EPS8L3: variants seen among roughly 807,000 people sequenced by gnomAD.
The protein encoded by EPS8L3 is EPS8 signaling adaptor L3.
EPS8L3 carries 80 observed loss-of-function variants against 88.5 expected under a neutral mutation model. The ratio of observed to expected loss-of-function variants is 0.90; its 90% CI spans 0.75 to 1.09. The LOEUF (loss-of-function observed/expected upper bound fraction) is 1.09, where lower values mean the gene tolerates loss of function less well. EPS8L3 is among the 50% of genes least tolerant of loss of function. The pLI is 0.00. For synonymous variants in EPS8L3, 286 were observed against 291.0 expected, an observed-to-expected ratio of 0.98 and a Z score of 0.18; for missense variants, 721 against 735.2, an observed-to-expected ratio of 0.98 and a Z score of 0.22.
intron 18 of EPS8L3, 105 bp downstream of exon 18, chr1:109,750,555 G>GGGC (rs1649683848): frequency 1.7e-5 from 27 of 1,592,176 alleles, no homozygotes; most frequent in Non-Finnish European, 1.7e-6. Flanking sequence ...GCCACACTCA[G>GGGC]TTCTGCCCCA....
Position 109,761,751 on chromosome 1 carries a change from T to C in EPS8L3, c.-2A>G. 6.2e-7 allele frequency: 1 copy of C among 1,613,992 alleles called. No homozygotes were observed. On this transcript the variant is annotated 5_prime_UTR_variant, in exon 2 of 19. Transcript: ENST00000361965. The stretch of plus-strand genomic sequence containing the variant: ...GGCTCTGCTGCTGGGCCTTGACATG[T>C]TGACGCTGCTGAGGACGGCTCCCTA...
chr1:109,763,637 G>T (rs1242412234), intron 1 of EPS8L3, among the ~76,000 whole-genome samples, 185 bp downstream of exon 1: 1 of 152,184 alleles, frequency 6.6e-6, no homozygotes, highest in Admixed American at 6.5e-5. Context: ...CCTGGACCTC[G>T]CTCTGCTTTC....
rs539708157 is a variant in EPS8L3 at position 109,751,169 on chromosome 1, C to T, written c.1637+109G>A. 171 of 914,056 alleles carry T rather than the reference C, an allele frequency of 1.9e-4. No individual in the cohort carries two copies. In the South Asian group the frequency reaches 2.1e-3, roughly 11 times the overall value. 56.6% of individuals were successfully genotyped at this position (914,056 alleles called of 1,614,324 possible). The stretch of plus-strand genomic sequence containing the variant: ...TAACTCAGCAGAGACGGTGCTGGAT[C>T]GGGGTCATGTACAATGTAGGCCAGG... On this transcript the variant is annotated intron_variant, in intron 17 of 18. Transcript: ENST00000361965.
chr1:109,760,173 TCCTCTG>T (rs952438090), intron 3 of EPS8L3, among the ~76,000 whole-genome samples: 1 of 152,018 alleles, frequency 6.6e-6, no homozygotes, highest in African/African-American at 2.4e-5. Context: ...AACAAATAAC[TCCTCTG>T]GAGGTGATAC....
chr1:109,757,882 A>G lies in EPS8L3; in HGVS notation c.833-19T>C, dbSNP rs10776700. 1,580,766 of 1,614,082 alleles carry G rather than the reference A, an allele frequency of 0.98. 774,135 individuals are homozygous for G. The highest frequency in any genetic ancestry group is 1 in the East Asian group (44,871 of 44,872). The stretch of plus-strand genomic sequence containing the variant: ...GTGAGACCTGGGAGAAGGGGCCAAG[A>G]CGGTGGGCCAGAGATCACCCTGAGA... On this transcript the variant is annotated intron_variant, in intron 9 of 18. Coordinates refer to ENST00000361965, the MANE Select transcript of EPS8L3 (RefSeq NM_133181.4).
chr1:109,757,294 T>A (rs749725560), intron 11 of EPS8L3, 129 bp from the exon 12 acceptor site: 2 of 1,245,496 alleles, frequency 1.6e-6, no homozygotes, highest in Admixed American at 2.6e-5. Context: ...AGGGGCCCCA[T>A]CTGCCTTGGG....
chr1:109,750,880 C>T (rs1016914306), intron 17 of EPS8L3, 88 bp from the exon 18 acceptor site: 58 of 1,522,360 alleles, frequency 3.8e-5, no homozygotes, highest in African/African-American at 2.6e-4. Context: ...TCTTTGGGCT[C>T]GGAGGTTGGG....
chr1:109,761,465 A>G, intron 3 of EPS8L3, 30 bp downstream of exon 3: 1 of 1,590,018 alleles, frequency 6.3e-7, no homozygotes, highest in Non-Finnish European at 8.6e-7. Context: ...GTTTAGTTGG[A>G]CACTGCCCGG....
chr1:109,750,274 G>T lies in EPS8L3; in HGVS notation c.*117C>A. On this transcript the variant is annotated 3_prime_UTR_variant, in exon 19 of 19. Transcript: ENST00000361965. ...CATTGTTTTTGCTGTGTGAGCTGGG[G>T]TGTGGGGTTTGCTGCAAACTGGGAT... 2 of 1,247,172 alleles carry T rather than the reference G, an allele frequency of 1.6e-6. No homozygotes were observed. Among genetic ancestry groups the T allele is most frequent in the Non-Finnish European group, 2.3e-6 (2 of 869,514 alleles). 77.3% of individuals were successfully genotyped at this position (1,247,172 alleles called of 1,614,324 possible).
At chr1:109,753,328 A>C in intron 12 of EPS8L3, 130 bp from the exon 13 acceptor site, 1 of 675,086 alleles carries the variant, frequency 1.5e-6, no homozygotes, top group South Asian at 1.9e-5. Context: ...GACATGGTCC[A>C]TGTGCACAGA....
chr1:109,757,671 G>T, intron 10 of EPS8L3, 116 bp from the exon 11 acceptor site: 1 of 1,385,026 alleles, frequency 7.2e-7, no homozygotes, highest in Non-Finnish European at 1.0e-6. Flanking sequence ...AGTCCCAAGA[G>T]GGGAGGGGAG....
chr1:109,757,594 C>G, intron 10 of EPS8L3, 39 bp from the exon 11 acceptor site: 1 of 1,573,614 alleles, frequency 6.4e-7, no homozygotes, highest in African/African-American at 1.3e-5. Flanking sequence ...ACCCTTCACC[C>G]CACCCCATCT....
In EPS8L3 at chr1:109,758,443, G is replaced by A; in HGVS notation, c.602-12C>T. On this transcript the variant is annotated splice_polypyrimidine_tract_variant and intron_variant, in intron 7 of 18. Coordinates refer to ENST00000361965, the MANE Select transcript of EPS8L3 (RefSeq NM_133181.4). ...GGATGGTGGGAGGCCTGCAGTGTAA[G>A]GGGACCATGGACCTAGATCTTAGAT... 1 of 1,590,654 alleles carries A rather than the reference G, an allele frequency of 6.3e-7. No homozygotes were observed. Among genetic ancestry groups the A allele is most frequent in the South Asian group, 1.1e-5 (1 of 88,130 alleles).
In EPS8L3 at chr1:109,750,438, C is replaced by T. The variant is rs566805633; in HGVS notation, c.1771-36G>A. The T allele has an allele frequency of 2.5e-6, 4 of 1,612,270 alleles. No individual in the cohort carries two copies. The South Asian group carries it at 4.4e-5, about 18-fold the overall frequency. Reference sequence around the variant, plus strand: ...ACAAAGATTCAGATGAGGCTGATGGCAGGTGAGGGATCTGCAGAGCTTATG... The same window carrying T: ...ACAAAGATTCAGATGAGGCTGATGGTAGGTGAGGGATCTGCAGAGCTTATG... On this transcript the variant is annotated intron_variant, in intron 18 of 18. Coordinates refer to ENST00000361965, the MANE Select transcript of EPS8L3 (RefSeq NM_133181.4).
chr1:109,761,802 C>T, intron 1 of EPS8L3, 29 bp from the exon 2 acceptor site: 1 of 1,606,148 alleles, frequency 6.2e-7, no homozygotes, highest in East Asian at 2.2e-5. Flanking sequence ...CAGAGGCAGC[C>T]ATCAGAGCTG....
chr1:109,753,414 T>G (rs1649993460), intron 12 of EPS8L3, among the ~76,000 whole-genome samples: 1 of 152,002 alleles, frequency 6.6e-6, no homozygotes, highest in African/African-American at 2.4e-5. Context: ...TGTCTGGGGG[T>G]CAACCTCACC....
chr1:109,754,295 G>T (rs542362041), intron 12 of EPS8L3, among the ~76,000 whole-genome samples: 1 of 152,204 alleles, frequency 6.6e-6, no homozygotes, highest in African/African-American at 2.4e-5. Context: ...CAAATCCAAT[G>T]GCCTTGTATG....
chr1:109,758,305 T>C lies in EPS8L3; in HGVS notation c.717+11A>G. 6.2e-7 allele frequency: 1 copy of C among 1,609,036 alleles called. No homozygotes were observed. The highest frequency in any genetic ancestry group is 8.5e-7 in the Non-Finnish European group (1 of 1,175,826). On this transcript the variant is annotated intron_variant, in intron 8 of 18. Transcript: ENST00000361965. Reference sequence around the variant, plus strand: ...GAAAGCCTCAGCAAACTCAAGACCATCCGCAGTTACCTCGTCCCTCTCTGG... The same window carrying C: ...GAAAGCCTCAGCAAACTCAAGACCACCCGCAGTTACCTCGTCCCTCTCTGG...
intron 17 of EPS8L3, 130 bp from the exon 18 acceptor site, chr1:109,750,922 G>A (rs1649736352): frequency 9.6e-7 from 1 of 1,046,882 alleles, no homozygotes. Context: ...TAGGCTATCT[G>A]AGATTGAAGG....
Sources: allele counts gnomAD v4.1 joint callset (sites outside exome capture counted in the v4.1 genomes callset), GRCh38; gene constraint gnomAD v4.1.1; transcripts MANE v1.5; gene names NCBI Gene and HGNC (gene_info 2026-07-23, HGNC 2026-07-21).